Variants in COBL observed in about 807,000 individuals in gnomAD.
COBL encodes protein cordon-bleu.
In COBL, 51 loss-of-function variants were observed where a neutral mutation model predicts 98.8. The observed-to-expected ratio is 0.52, with a 90% CI of 0.41 to 0.65. The LOEUF (loss-of-function observed/expected upper bound fraction) is 0.65. Ranked by LOEUF, COBL falls within the 30% of genes least tolerant of loss-of-function variation. The pLI is 0.00. For missense variants in COBL, 1,617 were observed against 1,617.5 expected, an observed-to-expected ratio of 1.00 and a Z score of 0.01; for synonymous variants, 634 against 651.7, an observed-to-expected ratio of 0.97 and a Z score of 0.41.
chr7:51,063,565 T>C (rs1173005467), intron 7 of COBL, among the ~76,000 whole-genome samples: 1 of 152,230 alleles, frequency 6.6e-6, no homozygotes, highest in African/African-American at 2.4e-5. Context: ...CTGATCCATC[T>C]ACAGAGGTCT....
chr7:51,217,108 T>C (rs1443397683), intron 2 of COBL, among the ~76,000 whole-genome samples: 1 of 152,204 alleles, frequency 6.6e-6, no homozygotes, highest in Non-Finnish European at 1.5e-5. Flanking sequence ...AAGATAACAT[T>C]ATTTTAACAC....
intron 1 of COBL, among the ~76,000 whole-genome samples, chr7:51,281,266 G>A (rs1343427412): frequency 2.0e-5 from 3 of 152,116 alleles, no homozygotes; most frequent in Admixed American, 2.0e-4. Context: ...AAAGAGGAAG[G>A]ACTGTAAAAA....
intron 1 of COBL, among the ~76,000 whole-genome samples, chr7:51,294,328 A>ATAAG: frequency 6.7e-6 from 1 of 149,480 alleles, no homozygotes; most frequent in Admixed American, 6.7e-5. Context: ...AAATAAATAA[A>ATAAG]TAAAAATAAA....
At chr7:51,213,444 A>G (rs1195121417) in intron 2 of COBL, among the ~76,000 whole-genome samples, 1 of 152,198 alleles carries the variant, frequency 6.6e-6, no homozygotes, top group African/African-American at 2.4e-5. Flanking sequence ...TCCCGAAGCC[A>G]TCCCCAGCCT....
chr7:51,104,939 C>T (rs762057226), intron 6 of COBL, among the ~76,000 whole-genome samples: 9 of 151,948 alleles, frequency 5.9e-5, no homozygotes, highest in Non-Finnish European at 1.3e-4. Context: ...TCACAATAAG[C>T]GAACACAATG....
chr7:51,055,321 C>T (rs879435031), intron 7 of COBL, among the ~76,000 whole-genome samples: 2 of 152,128 alleles, frequency 1.3e-5, no homozygotes, highest in Non-Finnish European at 2.9e-5. Context: ...TCAAGGGCTG[C>T]GGGAAACTCA....
At chr7:51,140,974 C>T (rs1261714622) in intron 5 of COBL, among the ~76,000 whole-genome samples, 1 of 152,134 alleles carries the variant, frequency 6.6e-6, no homozygotes, top group Non-Finnish European at 1.5e-5. Context: ...AGCTGCCTCA[C>T]GAGCACACCC....
chr7:51,052,163 C>T (rs1015204764), intron 7 of COBL, among the ~76,000 whole-genome samples: 3 of 152,138 alleles, frequency 2.0e-5, no homozygotes, highest in Non-Finnish European at 4.4e-5. Flanking sequence ...ATTATTATTC[C>T]TATTTTGCAA....
chr7:51,027,554 T>C lies in COBL; in HGVS notation c.3384+158A>G, dbSNP rs567423886. On this transcript the variant is annotated intron_variant, in intron 10 of 12. Coordinates refer to ENST00000265136, the MANE Select transcript of COBL (RefSeq NM_015198.5). ...GTTCAGTACAAATATCTGGAGGCAG[T>C]ATGATGGGAATTCTAGTTAAAATGA... is the stretch of plus-strand genomic sequence containing the variant. Among the ~76,000 whole-genome samples, 12 of 152,318 alleles carry C rather than the reference T, an allele frequency of 7.9e-5. No individual in the cohort carries two copies. In the East Asian group the frequency reaches 2.1e-3, roughly 27 times the overall value.
rs114086701 is a variant in COBL, at chr7:51,065,671, C to A, written c.1096+19495G>T. Among the ~76,000 whole-genome samples, 314 of 152,362 alleles carry A rather than the reference C, an allele frequency of 2.1e-3. 1 individual carries two copies. The highest frequency in any genetic ancestry group is 6.7e-3 in the African/African-American group (277 of 41,592). ...CATCCACCTGGGTACAACAGAAGCT[C>A]TCCAGCCTCTGTCGTCATCAGCACA... On this transcript the variant is annotated intron_variant, in intron 7 of 12. Transcript: ENST00000265136.
intron 6 of COBL, among the ~76,000 whole-genome samples, chr7:51,098,599 TA>T (rs1348293840): frequency 6.6e-6 from 1 of 152,040 alleles, no homozygotes; most frequent in Non-Finnish European, 1.5e-5. Context: ...GTTAACCATA[TA>T]AAAAAATTAA....
chr7:51,106,365 G>A (rs561745821), intron 6 of COBL, among the ~76,000 whole-genome samples: 12 of 152,244 alleles, frequency 7.9e-5, no homozygotes, highest in African/African-American at 2.6e-4. Context: ...AAGCAGTGCC[G>A]ACCCCTGTGT....
At chr7:51,156,314 G>A (rs1012240384) in intron 5 of COBL, 28 of 985,248 alleles carry the variant, frequency 2.8e-5, no homozygotes, top group Non-Finnish European at 3.4e-5. Context: ...TGTCCAGACA[G>A]TAGTTATTCT....
chr7:51,275,228 G>C (rs555287782), intron 1 of COBL, among the ~76,000 whole-genome samples: 2 of 152,296 alleles, frequency 1.3e-5, no homozygotes, highest in East Asian at 3.9e-4. Flanking sequence ...GGGGACAGTT[G>C]CACAGTGTCC....
intron 6 of COBL, among the ~76,000 whole-genome samples, chr7:51,125,304 C>T (rs974313717): frequency 1.3e-5 from 2 of 152,194 alleles, no homozygotes; most frequent in Non-Finnish European, 1.5e-5. Flanking sequence ...TGCAAGGCCA[C>T]GGCAGCAAGA....
rs148565096 is a variant in COBL, at chr7:51,179,721, G to A, written c.783+4381C>T. Among the ~76,000 whole-genome samples, 49 of 152,200 alleles carry A rather than the reference G, an allele frequency of 3.2e-4. 1 individual carries two copies. In the East Asian group the frequency reaches 9.3e-3, roughly 29 times the overall value. On this transcript the variant is annotated intron_variant, in intron 5 of 12. Transcript: ENST00000265136. ...TGAAGAAGATCACAAAAAGCACTCT[G>A]AATACAAGTTTCTGATAATTTTGGA...
At chr7:51,259,169 C>A (rs746760378) in intron 1 of COBL, among the ~76,000 whole-genome samples, 3 of 151,890 alleles carry the variant, frequency 2.0e-5, no homozygotes, top group Non-Finnish European at 4.4e-5. Flanking sequence ...TGCCTGTAAT[C>A]CCAGCTACTC....
intron 1 of COBL, among the ~76,000 whole-genome samples, chr7:51,258,482 G>A (rs1563096736): frequency 1.3e-5 from 2 of 152,200 alleles, no homozygotes; most frequent in African/African-American, 4.8e-5. Context: ...AGCCAATGTA[G>A]AAAACACTGA....
intron 5 of COBL, among the ~76,000 whole-genome samples, chr7:51,160,183 T>C (rs932756581): frequency 1.3e-5 from 2 of 152,172 alleles, no homozygotes; most frequent in African/African-American, 4.8e-5. Flanking sequence ...TGAGCCACCA[T>C]GTCTGGCCTA....
Sources: allele counts gnomAD v4.1 joint callset (sites outside exome capture counted in the v4.1 genomes callset), GRCh38; gene constraint gnomAD v4.1.1; transcripts MANE v1.5; gene names NCBI Gene and HGNC (gene_info 2026-07-23, HGNC 2026-07-21).